Variants in SLC12A7 observed in about 807,000 individuals in gnomAD.
The protein encoded by SLC12A7 is solute carrier family 12 member 7.
A neutral mutation model predicts 120.6 loss-of-function variants in SLC12A7; 100 were observed. The observed-to-expected ratio is 0.83, with a 90% confidence interval of 0.71 to 0.98. The LOEUF (loss-of-function observed/expected upper bound fraction) is 0.98, where lower values mean the gene tolerates loss of function less well. SLC12A7 is among the 50% of genes least tolerant of loss of function. SLC12A7 has a pLI of 0.00. For synonymous variants in SLC12A7, 760 were observed against 678.0 expected (o/e 1.12, Z -1.88); for missense variants, 1,373 against 1,548.1 (o/e 0.89, Z 1.90).
At chr5:1,154,354 AACACACACACAC>A in the SLC12A7 span, among the ~76,000 whole-genome samples, 5 of 141,810 alleles carry the variant, frequency 3.5e-5, no homozygotes, top group Admixed American at 2.8e-4. Context: ...TGGTGTCCGC[AACACACACACAC>A]ACACACACAC....
chr5:1,139,147 C>T, the SLC12A7 span, among the ~76,000 whole-genome samples: 2 of 152,374 alleles, frequency 1.3e-5, no homozygotes, highest in East Asian at 3.9e-4. Flanking sequence ...TCCTCATCCC[C>T]ATGGGCGTAG....
At chr5:1,116,557 T>C (rs746458226), upstream of SLC12A7, among the ~76,000 whole-genome samples, 12 of 152,254 alleles carry the variant, frequency 7.9e-5, no homozygotes, top group Non-Finnish European at 1.8e-4. Context: ...AGTCCTGTAA[T>C]TCACGGACAC....
the SLC12A7 span, among the ~76,000 whole-genome samples, chr5:1,121,341 C>T: frequency 6.6e-6 from 1 of 152,222 alleles, no homozygotes; most frequent in Non-Finnish European, 1.5e-5. Flanking sequence ...AGGGGTTTGG[C>T]CTGTGGAGGG....
chr5:1,128,901 A>C, the SLC12A7 span, among the ~76,000 whole-genome samples: 1 of 152,216 alleles, frequency 6.6e-6, no homozygotes, highest in Non-Finnish European at 1.5e-5. Context: ...CACCCACACA[A>C]GCTGGACCCT....
chr5:1,094,041 CGTG>C (rs1561093014), intron 2 of SLC12A7, 110 bp downstream of exon 2: 1 of 762,030 alleles, frequency 1.3e-6, no homozygotes, highest in Non-Finnish European at 2.2e-6. Context: ...GTTCCTTCCA[CGTG>C]GTGTCCAGTC....
At chr5:1,131,449 C>A in the SLC12A7 span, among the ~76,000 whole-genome samples, 1 of 152,222 alleles carries the variant, frequency 6.6e-6, no homozygotes, top group African/African-American at 2.4e-5. Flanking sequence ...AATCCTAGCA[C>A]CTGAGGCACA....
intron 22 of SLC12A7, among the ~76,000 whole-genome samples, chr5:1,055,668 G>A (rs1302090320): frequency 1.3e-5 from 2 of 152,208 alleles, no homozygotes; most frequent in Admixed American, 1.3e-4. Context: ...GGCAAGCCCC[G>A]GCGCTGGGAG....
At position 1,094,217 on chromosome 5, in the gene SLC12A7, G is replaced by A; in HGVS notation, c.156C>T (p.Phe52=). ...GDGNPRENSP[F]LNNVEVEQES... ...CTTGTTCCACCTCGACATTGTTGAG[G>A]AATGGGCTGTTTTCTCTTGGATTTC... is the stretch of plus-strand genomic sequence containing the variant. The change falls in exon 2 of 24, where the codon TTC becomes TTT. Residue 52 remains phenylalanine, a synonymous_variant. Transcript: ENST00000264930. The A allele has an allele frequency of 6.2e-7, 1 of 1,613,538 alleles. No homozygotes were observed. Among genetic ancestry groups the A allele is most frequent in the South Asian group, 1.1e-5 (1 of 91,080 alleles).
intron 1 of SLC12A7, among the ~76,000 whole-genome samples, chr5:1,104,612 C>T (rs901966612): frequency 3.3e-5 from 5 of 152,222 alleles, no homozygotes; most frequent in Admixed American, 3.3e-4. Context: ...TCAACACAGG[C>T]CTGGGCGGGG....
chr5:1,082,402 G>A (rs1240557949), intron 8 of SLC12A7, among the ~76,000 whole-genome samples: 4 of 94,596 alleles, frequency 4.2e-5, no homozygotes, highest in African/African-American at 6.8e-5. Context: ...CAGGCTTCCC[G>A]TCTCGGGTTC....
Position 1,076,590 on chromosome 5 carries a change from C to G in SLC12A7, c.1748+104G>C, listed in dbSNP as rs1048426146. On this transcript the variant is annotated intron_variant, in intron 13 of 23. Transcript: ENST00000264930. ...CAGGATCCTGACTGCCCACAGCTGG[C>G]CATGCCTGTCTACTGCTTGTCCTGA... 8.5e-6 allele frequency: 7 copies of G among 823,456 alleles called. No individual in the cohort carries two copies. The Admixed American group carries it at 1.1e-4, about 12-fold the overall frequency. The allele number at this position is 823,456 out of a possible 1,614,324, so 51.0% of individuals were successfully genotyped here.
intron 1 of SLC12A7, among the ~76,000 whole-genome samples, chr5:1,105,914 C>T (rs950694568): frequency 5.9e-5 from 9 of 152,190 alleles, no homozygotes; most frequent in African/African-American, 1.9e-4. Flanking sequence ...GTTCCCATGC[C>T]CCACAGTGGG....
chr5:1,052,286 T>C lies in SLC12A7; in HGVS notation c.*74A>G, dbSNP rs753779196. On this transcript the variant is annotated 3_prime_UTR_variant, in exon 24 of 24. Transcript: ENST00000264930. The stretch of plus-strand genomic sequence containing the variant: ...CAGGTGTGTCTGCCGTCTGTTTCCC[T>C]GGGCCAAGCCCAGGCCCAGGCTGCC... The C allele has an allele frequency of 6.2e-6, 8 of 1,287,556 alleles. No homozygotes were observed. The highest frequency in any genetic ancestry group is 9.0e-6 in the Non-Finnish European group (8 of 885,630). 79.8% of individuals were successfully genotyped at this position (1,287,556 alleles called of 1,614,324 possible).
chr5:1,098,129 C>CTCACCCAGCCCCCCTCT (rs1741505602), intron 1 of SLC12A7, among the ~76,000 whole-genome samples: 1 of 122,882 alleles, frequency 8.1e-6, no homozygotes, highest in Non-Finnish European at 1.7e-5. Context: ...TAACCCTCTG[C>CTCACCCAGCCCCCCTCT]AAGCCCAGCC....
chr5:1,054,352 C>G (rs2150774190), intron 22 of SLC12A7, among the ~76,000 whole-genome samples: 1 of 152,376 alleles, frequency 6.6e-6, no homozygotes, highest in African/African-American at 2.4e-5. Context: ...GGCTCCCCAA[C>G]CAAGTAGGTT....
intron 1 of SLC12A7, among the ~76,000 whole-genome samples, chr5:1,107,997 T>C (rs1334461945): frequency 7.2e-6 from 1 of 139,736 alleles, no homozygotes; most frequent in Non-Finnish European, 1.6e-5. Flanking sequence ...CCCCAGCCCC[T>C]CTCTACCTGC....
At chr5:1,069,331 C>A (rs573032109) in intron 17 of SLC12A7, among the ~76,000 whole-genome samples, 1 of 152,242 alleles carries the variant, frequency 6.6e-6, no homozygotes, top group African/African-American at 2.4e-5. Context: ...AGGGTTCCCA[C>A]CCCTAGGCTG....
chr5:1,081,793 G>T (rs1739154962), intron 8 of SLC12A7, 49 bp from the exon 9 acceptor site: 10 of 1,565,868 alleles, frequency 6.4e-6, no homozygotes, highest in Non-Finnish European at 7.8e-6. Flanking sequence ...TCTGTGCAGT[G>T]CCCCCGCCAT....
chr5:1,133,416 T>C, the SLC12A7 span, among the ~76,000 whole-genome samples: 1 of 152,052 alleles, frequency 6.6e-6, no homozygotes, highest in Non-Finnish European at 1.5e-5. Flanking sequence ...CACAGCTCCC[T>C]GGAAACCCTG....
Sources: gnomAD v4.1 joint callset for allele counts (sites outside exome capture counted in the v4.1 genomes callset) on GRCh38, gnomAD v4.1.1 for gene constraint, MANE v1.5 for transcripts, NCBI Gene and HGNC (gene_info 2026-07-23, HGNC 2026-07-21) for gene names.